The following DAB1 variants were observed in gnomAD, a reference collection of about 807,000 sequenced individuals.
DAB1 encodes DAB adaptor protein 1, also known as disabled homolog 1.
Under a neutral mutation model 64.6 loss-of-function variants are expected in DAB1, and 15 were observed. The ratio of observed to expected loss-of-function variants is 0.23; its 90% CI spans 0.16 to 0.36. The LOEUF is 0.36. Among genes scored for constraint, DAB1 ranks in the 10% least tolerant of loss-of-function variants. DAB1 has a pLI of 1.00. For synonymous variants in DAB1, 235 were observed against 251.9 expected, an observed-to-expected ratio of 0.93 and a Z score of 0.64; for missense variants, 596 against 706.7, an observed-to-expected ratio of 0.84 and a Z score of 1.78.
chr1:57,387,257 G>C (rs779850411), intron 1 of DAB1: 22 of 152,132 alleles, frequency 1.4e-4, no homozygotes, highest in Non-Finnish European at 4.4e-5. Context: ...TACAGAGCCA[G>C]CACAGGGCTG....
At chr1:58,079,766 G>C (rs1649881924) in intron 5 of DAB1, among the ~76,000 whole-genome samples, 1 of 151,804 alleles carries the variant, frequency 6.6e-6, no homozygotes, top group African/African-American at 2.4e-5. Context: ...TGATCCACCT[G>C]CCTCAACCTC....
At chr1:58,020,265 A>G (rs1219453051) in intron 5 of DAB1, among the ~76,000 whole-genome samples, 1 of 152,212 alleles carries the variant, frequency 6.6e-6, no homozygotes, top group Non-Finnish European at 1.5e-5. Context: ...TTTTTACTTC[A>G]TGTGTTCAAG....
At chr1:57,752,906 C>T (rs1388516485) in intron 6 of DAB1, among the ~76,000 whole-genome samples, 1 of 152,168 alleles carries the variant, frequency 6.6e-6, no homozygotes, top group Non-Finnish European at 1.5e-5. Context: ...AAACAAGAAA[C>T]TTGGTAATTT....
intron 5 of DAB1, among the ~76,000 whole-genome samples, chr1:57,977,405 T>A (rs1557590624): frequency 6.6e-6 from 1 of 152,184 alleles, no homozygotes; most frequent in Non-Finnish European, 1.5e-5. Context: ...ATAGACTGAC[T>A]TCATTTGTTT....
At chr1:57,935,278 C>T (rs1167110255) in intron 5 of DAB1, among the ~76,000 whole-genome samples, 1 of 152,138 alleles carries the variant, frequency 6.6e-6, no homozygotes, top group Non-Finnish European at 1.5e-5. Context: ...GTTGTTTGGT[C>T]CCACTAAACC....
chr1:57,466,546 C>A (rs886367329), intron 7 of DAB1, among the ~76,000 whole-genome samples: 1 of 152,284 alleles, frequency 6.6e-6, no homozygotes, highest in African/African-American at 2.4e-5. Context: ...GAAATTATCA[C>A]AAATTCACCA....
chr1:57,668,480 G>A (rs1048058144), intron 6 of DAB1, among the ~76,000 whole-genome samples: 7 of 152,022 alleles, frequency 4.6e-5, no homozygotes, highest in Non-Finnish European at 1.0e-4. Flanking sequence ...TCTATGATTT[G>A]AAGGAAGGCA....
At chr1:57,885,083 T>C (rs1338502452), upstream of DAB1, among the ~76,000 whole-genome samples, 1 of 152,218 alleles carries the variant, frequency 6.6e-6, no homozygotes, top group Non-Finnish European at 1.5e-5. Flanking sequence ...GTTATTCCTT[T>C]ATAGAAACAC....
chr1:58,177,364 C>T (rs901185305), intron 4 of DAB1, among the ~76,000 whole-genome samples: 2 of 152,132 alleles, frequency 1.3e-5, no homozygotes, highest in Non-Finnish European at 2.9e-5. Flanking sequence ...AATTAAAATG[C>T]TCCACAAATA....
intron 9 of DAB1, among the ~76,000 whole-genome samples, chr1:57,038,865 C>T (rs1647344181): frequency 6.6e-6 from 1 of 152,062 alleles, no homozygotes; most frequent in Admixed American, 6.6e-5. Context: ...TTGCTGGCAC[C>T]TTATTAAGAC....
chr1:57,716,278 A>G (rs1293057765), intron 6 of DAB1, among the ~76,000 whole-genome samples: 7 of 152,228 alleles, frequency 4.6e-5, no homozygotes, highest in Non-Finnish European at 1.5e-5. Flanking sequence ...AAGACCCTGG[A>G]TAGCCAAAGC....
chr1:58,529,132 C>G (rs1052723724), intron 1 of DAB1, among the ~76,000 whole-genome samples: 19 of 152,240 alleles, frequency 1.2e-4, no homozygotes, highest in African/African-American at 4.6e-4. Flanking sequence ...TTTATTTTCT[C>G]TTTAAGAACC....
chr1:57,562,938 C>T lies in DAB1; in HGVS notation n.625+86654G>A, dbSNP rs151297443. On this transcript the variant is annotated intron_variant and non_coding_transcript_variant, in intron 7 of 20. Transcript: ENST00000485760. ...ACGAAATCAGTCTGCTACTCTACAA[C>T]GGAGGTAAGGAAGAGTATATATATA... is the stretch of plus-strand genomic sequence containing the variant. 1.4e-3 allele frequency among the ~76,000 whole-genome samples: 207 copies of T among 152,198 alleles called. 4 individuals are homozygous for T. The South Asian group carries it at 0.018, about 13-fold the overall frequency.
At chr1:58,063,667 A>T (rs901840358) in intron 5 of DAB1, among the ~76,000 whole-genome samples, 7 of 152,198 alleles carry the variant, frequency 4.6e-5, no homozygotes, top group Non-Finnish European at 1.0e-4. Context: ...TTCACAACAA[A>T]AAACACTGAC....
At chr1:57,137,602 C>A (rs1658241387) in intron 3 of DAB1, among the ~76,000 whole-genome samples, 1 of 152,166 alleles carries the variant, frequency 6.6e-6, no homozygotes, top group Non-Finnish European at 1.5e-5. Context: ...TGTTGCTGAC[C>A]ATGCATTAGG....
intron 4 of DAB1, among the ~76,000 whole-genome samples, chr1:57,123,192 A>T (rs1200201574): frequency 6.6e-6 from 1 of 152,158 alleles, no homozygotes; most frequent in Non-Finnish European, 1.5e-5. Context: ...AAAATGTATG[A>T]CTATGGGAAT....
intron 5 of DAB1, among the ~76,000 whole-genome samples, chr1:58,080,540 A>G (rs1194641408): frequency 1.3e-5 from 2 of 152,252 alleles, no homozygotes; most frequent in African/African-American, 4.8e-5. Context: ...GCCATTCTCA[A>G]TGCTAAGCCA....
At chr1:58,369,116 C>G (rs1644241778) in intron 3 of DAB1, among the ~76,000 whole-genome samples, 1 of 152,220 alleles carries the variant, frequency 6.6e-6, no homozygotes, top group Non-Finnish European at 1.5e-5. Flanking sequence ...ATGTTCAGTA[C>G]TGGCTCCTAG....
intron 6 of DAB1, among the ~76,000 whole-genome samples, chr1:57,765,285 A>G (rs1470122683): frequency 1.3e-5 from 2 of 152,180 alleles, no homozygotes; most frequent in African/African-American, 4.8e-5. Flanking sequence ...TGCTTTAGCT[A>G]TAGTCTTAGG....
Sources: allele counts gnomAD v4.1 joint callset (sites outside exome capture counted in the v4.1 genomes callset), GRCh38; gene constraint gnomAD v4.1.1; transcripts MANE v1.5; gene names NCBI Gene and HGNC (gene_info 2026-07-23, HGNC 2026-07-21).